CD1A: variants seen among roughly 807,000 people sequenced by gnomAD.
CD1A encodes the protein CD1a molecule.
In CD1A, 50 loss-of-function variants were observed where a neutral mutation model predicts 38.3. The observed-to-expected ratio is 1.30, with a 90% CI of 1.04 to 1.65. The LOEUF (loss-of-function observed/expected upper bound fraction) is 1.65, where lower values mean the gene tolerates loss of function less well. CD1A is among the 40% of genes most tolerant of loss of function. CD1A has a pLI of 0.00. For missense variants in CD1A, 459 were observed against 406.1 expected (o/e 1.13, Z -1.12); for synonymous variants, 160 against 150.8 (o/e 1.06, Z -0.45).
chr1:158,248,702 T>A, the CD1A span, among the ~76,000 whole-genome samples: 18 of 152,204 alleles, frequency 1.2e-4, no homozygotes, highest in Non-Finnish European at 2.2e-4. Flanking sequence ...CTTCCTTACC[T>A]ATTTTATCTC....
upstream of CD1A, among the ~76,000 whole-genome samples, chr1:158,251,336 T>C (rs1650082348): frequency 6.6e-6 from 1 of 152,212 alleles, no homozygotes; most frequent in Admixed American, 6.5e-5. Context: ...ACCCATGTTA[T>C]TCAAGAGTGA....
chr1:158,249,553 CA>C (rs1369789164), upstream of CD1A, among the ~76,000 whole-genome samples: 3 of 152,170 alleles, frequency 2.0e-5, no homozygotes, highest in East Asian at 5.8e-4. Context: ...AGAATTTCAA[CA>C]TATGAATTTT....
chr1:158,256,699 G>A, intron 3 of CD1A, 87 bp from the exon 4 acceptor site: 1 of 1,452,536 alleles, frequency 6.9e-7, no homozygotes, highest in Admixed American at 2.2e-5. Flanking sequence ...AGAGAAATGG[G>A]AACAATGTGT....
rs79833714 is a variant in CD1A at position 158,254,954 on chromosome 1, G to A, written c.59-130G>A. 9.9e-4 allele frequency: 1,000 copies of A among 1,006,694 alleles called. 16 individuals are homozygous for A. The African/African-American group carries it at 0.015, about 15-fold the overall frequency. 62.4% of individuals were successfully genotyped at this position (1,006,694 alleles called of 1,614,324 possible). A position where few individuals can be genotyped will look rare whatever the true frequency, so the allele number is the denominator to read the frequency against. ...GATAAGGCATGGGACTGTGTGGCAA[G>A]TGAATGTCTGCTAAGATCATGATGG... is the stretch of plus-strand genomic sequence containing the variant. On this transcript the variant is annotated intron_variant, in intron 1 of 5. Transcript: ENST00000289429.
intron 3 of CD1A, 67 bp from the exon 4 acceptor site, chr1:158,256,719 C>T: frequency 6.6e-7 from 1 of 1,510,042 alleles, no homozygotes; most frequent in Non-Finnish European, 9.0e-7. Flanking sequence ...TCTATCTAAA[C>T]TTCTAAACTG....
Position 158,258,125 on chromosome 1 carries a change from A to G in CD1A, c.*435A>G, listed in dbSNP as rs1571122573. 6.0e-6 allele frequency: 1 copy of G among 165,788 alleles called. No individual in the cohort carries two copies. The highest frequency in any genetic ancestry group is 1.3e-5 in the Non-Finnish European group (1 of 76,118). The allele number at this position is 165,788 out of a possible 1,614,324, so 10.3% of individuals were successfully genotyped here. ...CTCCTCACTTCCTCTTCTTCATTGC[A>G]GTTATTTAGATCCCCCCTTTCCTTC... On this transcript the variant is annotated 3_prime_UTR_variant, in exon 6 of 6. Transcript: ENST00000289429.
upstream of CD1A, among the ~76,000 whole-genome samples, chr1:158,253,055 C>A (rs772401950): frequency 1.3e-5 from 2 of 152,160 alleles, no homozygotes. Flanking sequence ...TATGATTATT[C>A]CACTGCACTC....
intron 2 of CD1A, 90 bp from the exon 3 acceptor site, chr1:158,255,914 A>G: frequency 7.8e-7 from 1 of 1,279,560 alleles, no homozygotes; most frequent in Admixed American, 2.1e-5. Context: ...CAAACCCTGC[A>G]CACTTCCCCC....
At position 158,254,527 on chromosome 1, in the gene CD1A, G is replaced by A. The variant is rs1363583083; in HGVS notation, c.-143G>A. Reference sequence around the variant, plus strand: ...GGCATCTCAGGGTTTTTGAAGGAGTGGATTTTCTTTGTTGCAGTCAGGGGA... The same window carrying A: ...GGCATCTCAGGGTTTTTGAAGGAGTAGATTTTCTTTGTTGCAGTCAGGGGA... On this transcript the variant is annotated 5_prime_UTR_variant, in exon 1 of 6. Transcript: ENST00000289429. 6.6e-7 allele frequency: 1 copy of A among 1,504,748 alleles called. No individual in the cohort carries two copies. Among genetic ancestry groups the A allele is most frequent in the Non-Finnish European group, 8.9e-7 (1 of 1,128,854 alleles). The allele number at this position is 1,504,748 out of a possible 1,614,324, so 93.2% of individuals were successfully genotyped here.
chr1:158,257,101 G>A (rs777062515), intron 4 of CD1A, 37 bp downstream of exon 4: 2 of 1,575,410 alleles, frequency 1.3e-6, no homozygotes, highest in East Asian at 4.5e-5. Context: ...GAAATGCCAG[G>A]AAGTGGACCT....
upstream of CD1A, among the ~76,000 whole-genome samples, chr1:158,250,871 A>G (rs911924329): frequency 6.6e-6 from 1 of 152,202 alleles, no homozygotes; most frequent in African/African-American, 2.4e-5. Context: ...TATATCTCTA[A>G]GGTTTTCCCA....
intron 5 of CD1A, 26 bp downstream of exon 5, chr1:158,257,537 T>C: frequency 6.3e-7 from 1 of 1,599,848 alleles, no homozygotes; most frequent in Non-Finnish European, 8.6e-7. Flanking sequence ...GTGTCTTTCC[T>C]ACTCTTAGCC....
the CD1A span, chr1:158,248,371 G>A: frequency 1.0e-6 from 1 of 985,262 alleles, no homozygotes; most frequent in Non-Finnish European, 1.2e-6. Flanking sequence ...AATGGGGAAG[G>A]AAGAATTTAG....
In CD1A at chr1:158,257,174, A is replaced by G. The variant is rs1428955918; in HGVS notation, c.883+110A>G. 4.6e-6 allele frequency: 6 copies of G among 1,315,248 alleles called. No individual in the cohort carries two copies. In the East Asian group the frequency reaches 1.4e-4, roughly 32 times the overall value. The allele number at this position is 1,315,248 out of a possible 1,614,324, so 81.5% of individuals were successfully genotyped here. A position where few individuals can be genotyped will look rare whatever the true frequency, so the allele number is the denominator to read the frequency against. The stretch of plus-strand genomic sequence containing the variant: ...TTTAGGGATTATAGCCCAAACATGA[A>G]TAAAAATAGATAATCTAAGAAATGG... On this transcript the variant is annotated intron_variant, in intron 4 of 5. Transcript: ENST00000289429.
rs185970944 is a variant in CD1A at position 158,254,630 on chromosome 1, C to A, written c.-40C>A. 3.7e-6 allele frequency: 6 copies of A among 1,613,454 alleles called. No individual in the cohort carries two copies. Among genetic ancestry groups the A allele is most frequent in the African/African-American group, 1.3e-5 (1 of 74,856 alleles). On this transcript the variant is annotated 5_prime_UTR_variant, in exon 1 of 6. Coordinates refer to ENST00000289429, the MANE Select transcript of CD1A (RefSeq NM_001763.3). ...GTTTGTTTGGAACAGAAATCAAAGA[C>A]CAATTTTTCTGAGAGAAGGAAATAA...
At chr1:158,249,025 C>A in the CD1A span, among the ~76,000 whole-genome samples, 1 of 152,338 alleles carries the variant, frequency 6.6e-6, no homozygotes, top group Admixed American at 6.5e-5. Context: ...TTCCTCTTCT[C>A]CCGCTTCTTC....
intron 2 of CD1A, among the ~76,000 whole-genome samples, chr1:158,255,622 T>G (rs1246614399): frequency 6.6e-6 from 1 of 152,202 alleles, no homozygotes; most frequent in African/African-American, 2.4e-5. Flanking sequence ...CCCTTCTGCC[T>G]GCCCTACAAC....
At chr1:158,255,478 G>A in intron 2 of CD1A, 128 bp downstream of exon 2, 1 of 1,021,916 alleles carries the variant, frequency 9.8e-7, no homozygotes, top group Non-Finnish European at 1.4e-6. Context: ...CCATAAAACT[G>A]CAATTGCATA....
chr1:158,257,062 G>A lies in CD1A; in HGVS notation c.881G>A (p.Trp294Ter), dbSNP rs781040103. The A allele has an allele frequency of 3.7e-6, 6 of 1,601,844 alleles. No individual in the cohort carries two copies. Among genetic ancestry groups the A allele is most frequent in the Middle Eastern group, 1.7e-4 (1 of 6,026 alleles). ...GAGGGCCAGGACATCGTCCTCTACT[G>A]GGGTGAGAAAAAGCTAAGGCCCAGG... ...SLEGQDIVLY[W>*]EHHSSVGFII... The change falls in exon 4 of 6, where the codon TGG (tryptophan) becomes TAG (stop). Residue 294 changes from tryptophan (W) to a stop codon, truncating the protein, a stop_gained and splice_region_variant. Transcript: ENST00000289429. LOFTEE classifies it high-confidence loss of function.
Sources: allele counts gnomAD v4.1 joint callset (sites outside exome capture counted in the v4.1 genomes callset), GRCh38; gene constraint gnomAD v4.1.1; transcripts MANE v1.5; gene names NCBI Gene and HGNC (gene_info 2026-07-23, HGNC 2026-07-21).